The following ADAMTS20 variants were observed in gnomAD, a reference collection of about 807,000 sequenced individuals.
ADAMTS20 encodes A disintegrin and metalloproteinase with thrombospondin motifs 20.
Under a neutral mutation model 260.1 loss-of-function variants are expected in ADAMTS20, and 225 were observed. The ratio of observed to expected loss-of-function variants is 0.87; its 90% confidence interval spans 0.78 to 0.97. The LOEUF (loss-of-function observed/expected upper bound fraction) is 0.97, where lower values mean the gene tolerates loss of function less well. Ranked by LOEUF, ADAMTS20 falls within the 50% of genes least tolerant of loss-of-function variation. The pLI is 0.00. For missense variants in ADAMTS20, 2,400 were observed against 2,337.7 expected, an observed-to-expected ratio of 1.03 and a Z score of -0.55; for synonymous variants, 802 against 769.5, an observed-to-expected ratio of 1.04 and a Z score of -0.70.
At chr12:43,431,205 G>A (rs1941435494) in intron 22 of ADAMTS20, 127 bp downstream of exon 22, 2 of 803,664 alleles carry the variant, frequency 2.5e-6, no homozygotes, top group East Asian at 2.6e-5. Context: ...TTTCAGGGTT[G>A]CTGTTGTTTT....
At chr12:43,535,776 A>G (rs275382) in intron 2 of ADAMTS20, among the ~76,000 whole-genome samples, 141,234 of 152,100 alleles carry the variant, frequency 0.93, 66,008 homozygotes, top group East Asian at 0.99. Flanking sequence ...TTGAGATTCT[A>G]AGAAGGGTTC....
chr12:43,439,058 T>C (rs1405495299), intron 18 of ADAMTS20, among the ~76,000 whole-genome samples: 1 of 152,228 alleles, frequency 6.6e-6, no homozygotes, highest in Non-Finnish European at 1.5e-5. Context: ...ATATTCATAA[T>C]TACAGACTGC....
chr12:43,505,508 A>G (rs1057464549), intron 3 of ADAMTS20, among the ~76,000 whole-genome samples: 2 of 152,226 alleles, frequency 1.3e-5, no homozygotes, highest in African/African-American at 4.8e-5. Flanking sequence ...TACATTATAC[A>G]AATTATCAAC....
In ADAMTS20 at chr12:43,462,923, G is replaced by A. The variant is rs765592033; in HGVS notation, c.1586C>T (p.Ala529Val). The A allele has an allele frequency of 1.9e-6, 3 of 1,608,484 alleles. No individual in the cohort carries two copies. In the Admixed American group the frequency reaches 5.1e-5, roughly 27 times the overall value. ...TCCAGGACCGCAGTCTGTTCCATCT[G>A]CTGGTGGCACGTGTTGAGTGAAACA... is the stretch of plus-strand genomic sequence containing the variant. Reference protein sequence around the residue: ...KGCFTQHVPPADGTDCGPGMH... With the variant: ...KGCFTQHVPPVDGTDCGPGMH... The change falls in exon 11 of 39, where the codon GCA becomes GTA. Residue 529 changes from alanine to valine, a missense_variant. Transcript: ENST00000389420.
rs543331912 is a variant in ADAMTS20 at position 43,429,765 on chromosome 12, T to C, written c.3382-41A>G. On this transcript the variant is annotated intron_variant, in intron 23 of 38. Transcript: ENST00000389420. ...ATGGTTCTCGTAAAACATTAATTAA[T>C]GACTGATTTATACAAAATCTAATAC... 5.4e-6 allele frequency: 7 copies of C among 1,292,374 alleles called. No individual in the cohort carries two copies. In the East Asian group the frequency reaches 1.5e-4, roughly 28 times the overall value. The allele number at this position is 1,292,374 out of a possible 1,614,324, so 80.1% of individuals were successfully genotyped here. A position where few individuals can be genotyped will look rare whatever the true frequency, so the allele number is the denominator to read the frequency against.
rs866577541 is a variant in ADAMTS20 at position 43,471,545 on chromosome 12, A to C, written c.1118-2840T>G. Reference sequence around the variant, plus strand: ...ACCTCTGGGGGCAGGGCACAGACAAACAAAAAGACAGCAGTAACCTCTGCA... The same window carrying C: ...ACCTCTGGGGGCAGGGCACAGACAACCAAAAAGACAGCAGTAACCTCTGCA... On this transcript the variant is annotated intron_variant, in intron 7 of 38. Coordinates refer to ENST00000389420, the MANE Select transcript of ADAMTS20 (RefSeq NM_025003.5). Among the ~76,000 whole-genome samples the C allele has an allele frequency of 7.1e-3, 922 of 130,236 alleles. 5 individuals carry two copies. Among genetic ancestry groups the C allele is most frequent in the African/African-American group, 0.026 (876 of 33,400 alleles). 85.4% of individuals were successfully genotyped at this position (130,236 alleles called of 152,430 possible). A position where few individuals can be genotyped will look rare whatever the true frequency, so the allele number is the denominator to read the frequency against.
In ADAMTS20 at chr12:43,477,144, G is replaced by A. The variant is rs567263741; in HGVS notation, c.1118-8439C>T. Among the ~76,000 whole-genome samples, 20 of 150,682 alleles carry A rather than the reference G, an allele frequency of 1.3e-4. No homozygotes were observed. In the East Asian group the frequency reaches 1.7e-3, roughly 13 times the overall value. On this transcript the variant is annotated intron_variant, in intron 7 of 38. Transcript: ENST00000389420. Reference sequence around the variant, plus strand: ...TAATGCTTTCATCATCACATTATACGTTTCTAAATGTCATTATAATTTATG... The same window carrying A: ...TAATGCTTTCATCATCACATTATACATTTCTAAATGTCATTATAATTTATG...
chr12:43,485,776 A>T (rs1008171289), intron 7 of ADAMTS20, among the ~76,000 whole-genome samples: 1 of 152,156 alleles, frequency 6.6e-6, no homozygotes, highest in South Asian at 2.1e-4. Flanking sequence ...TACACCAAAA[A>T]CAATCAAGCA....
intron 7 of ADAMTS20, among the ~76,000 whole-genome samples, chr12:43,480,557 T>A (rs900099163): frequency 8.5e-5 from 13 of 152,192 alleles, no homozygotes; most frequent in African/African-American, 3.1e-4. Flanking sequence ...ACAACATAAG[T>A]ATACATCAAT....
chr12:43,420,800 C>CCTTTTTTTTTTTTT (rs1941214259), intron 28 of ADAMTS20, among the ~76,000 whole-genome samples: 1 of 55,494 alleles, frequency 1.8e-5, no homozygotes, highest in Non-Finnish European at 3.1e-5. Flanking sequence ...CCTCCTCCTT[C>CCTTTTTTTTTTTTT]TTTTTTTTTT....
chr12:43,529,599 G>T (rs1385184500), intron 3 of ADAMTS20, among the ~76,000 whole-genome samples: 1 of 152,070 alleles, frequency 6.6e-6, no homozygotes. Context: ...TGGGAGCTAC[G>T]CTATGAGTAT....
intron 3 of ADAMTS20, 92 bp from the exon 4 acceptor site, chr12:43,502,497 C>A: frequency 1.8e-6 from 2 of 1,132,982 alleles, no homozygotes; most frequent in South Asian, 1.6e-5. Context: ...ATATTTAATA[C>A]TTACATATCT....
chr12:43,513,247 G>C (rs1252688526), intron 3 of ADAMTS20, among the ~76,000 whole-genome samples: 1 of 152,128 alleles, frequency 6.6e-6, no homozygotes, highest in Non-Finnish European at 1.5e-5. Flanking sequence ...GAGCACACTG[G>C]TCAAGCGTCA....
In ADAMTS20 at chr12:43,532,035, C is replaced by T; in HGVS notation, c.613+1G>A. On this transcript the variant is annotated splice_donor_variant, in intron 3 of 38. Transcript: ENST00000389420. LOFTEE classifies it high-confidence loss of function. ...GAAAAGAGTTCTATTTCACAGTTTA[C>T]CTGACACACTGCAATACTTCAGAGT... is the stretch of plus-strand genomic sequence containing the variant. 1.3e-6 allele frequency: 2 copies of T among 1,555,742 alleles called. No homozygotes were observed. The highest frequency in any genetic ancestry group is 1.7e-6 in the Non-Finnish European group (2 of 1,149,540).
chr12:43,400,503 A>G (rs1940788783), intron 28 of ADAMTS20, among the ~76,000 whole-genome samples: 1 of 151,942 alleles, frequency 6.6e-6, no homozygotes, highest in Non-Finnish European at 1.5e-5. Context: ...CACCTCATTA[A>G]TACAGCCATT....
chr12:43,535,434 GA>G (rs1261710188), intron 2 of ADAMTS20, among the ~76,000 whole-genome samples: 1 of 151,670 alleles, frequency 6.6e-6, no homozygotes, highest in Non-Finnish European at 1.5e-5. Flanking sequence ...ACTTGGGTGA[GA>G]AAAAAAATTA....
At chr12:43,496,022 G>A (rs141849404) in intron 4 of ADAMTS20, among the ~76,000 whole-genome samples, 1 of 152,206 alleles carries the variant, frequency 6.6e-6, no homozygotes, top group African/African-American at 2.4e-5. Flanking sequence ...ATAGCCACAA[G>A]GCCCATTTGG....
At position 43,399,253 on chromosome 12, in the gene ADAMTS20, G is replaced by T; in HGVS notation, c.4285-20C>A. On this transcript the variant is annotated intron_variant, in intron 28 of 38. Transcript: ENST00000389420. ...TGAGCACTAGAAAAGAAATATGAATGCACTTGATTCATTTTCTTCTTGATT... is the reference window on the plus strand; with the variant it reads ...TGAGCACTAGAAAAGAAATATGAATTCACTTGATTCATTTTCTTCTTGATT... 7.0e-7 allele frequency: 1 copy of T among 1,434,842 alleles called. No individual in the cohort carries two copies. The highest frequency in any genetic ancestry group is 9.2e-7 in the Non-Finnish European group (1 of 1,088,958). 88.9% of individuals were successfully genotyped at this position (1,434,842 alleles called of 1,614,324 possible).
At position 43,546,693 on chromosome 12, in the gene ADAMTS20, A is replaced by G. The variant is rs143148313; in HGVS notation, c.453+4216T>C. The stretch of plus-strand genomic sequence containing the variant: ...GGATATTAAGTCCTGGTAACTATAC[A>G]TGTTATGAGATAGCCTATCAATGGA... On this transcript the variant is annotated intron_variant, in intron 2 of 38. Coordinates refer to ENST00000389420, the MANE Select transcript of ADAMTS20 (RefSeq NM_025003.5). Among the ~76,000 whole-genome samples, 374 of 152,348 alleles carry G rather than the reference A, an allele frequency of 2.5e-3. 1 individual carries two copies. The highest frequency in any genetic ancestry group is 8.6e-3 in the African/African-American group (356 of 41,606).
Sources: gnomAD v4.1 joint callset for allele counts (sites outside exome capture counted in the v4.1 genomes callset) on GRCh38, gnomAD v4.1.1 for gene constraint, MANE v1.5 for transcripts, NCBI Gene and HGNC (gene_info 2026-07-23, HGNC 2026-07-21) for gene names.